Variants in PDE7B observed in about 807,000 individuals in gnomAD.
PDE7B encodes the protein phosphodiesterase 7B, also known as 3',5'-cyclic-AMP phosphodiesterase 7B.
PDE7B carries 29 observed loss-of-function variants against 56.2 expected under a neutral mutation model. The ratio of observed to expected loss-of-function variants is 0.52; its 90% CI spans 0.38 to 0.70. The LOEUF (loss-of-function observed/expected upper bound fraction) is 0.70, where lower values mean the gene tolerates loss of function less well. Among genes scored for constraint, PDE7B ranks in the 30% least tolerant of loss-of-function variants. The pLI is 0.00. For missense variants in PDE7B, 490 were observed against 565.0 expected (o/e 0.87, Z 1.35); for synonymous variants, 197 against 196.9 (o/e 1.00, Z 0.00).
intron 1 of PDE7B, among the ~76,000 whole-genome samples, chr6:135,938,921 C>T (rs1179446871): frequency 6.6e-6 from 1 of 152,120 alleles, no homozygotes; most frequent in Non-Finnish European, 1.5e-5. Flanking sequence ...AGCAGGTTTT[C>T]CAAGTTTTGG....
chr6:136,152,447 T>G (rs1778535996), intron 6 of PDE7B, among the ~76,000 whole-genome samples: 2 of 152,234 alleles, frequency 1.3e-5, no homozygotes, highest in African/African-American at 4.8e-5. Context: ...ATTATCACCA[T>G]TTGTCCCATA....
At chr6:136,072,510 C>G (rs1391171512) in intron 2 of PDE7B, 1 of 152,076 alleles carries the variant, frequency 6.6e-6, no homozygotes, top group Non-Finnish European at 1.5e-5. Flanking sequence ...TTCTATTGAT[C>G]TTAAGAAAGA....
chr6:135,967,349 A>G (rs868778608), intron 2 of PDE7B, among the ~76,000 whole-genome samples: 16 of 152,254 alleles, frequency 1.1e-4, no homozygotes, highest in African/African-American at 3.6e-4. Context: ...AGGACACAGG[A>G]AAAAAAATCA....
intron 1 of PDE7B, among the ~76,000 whole-genome samples, chr6:135,894,417 G>A (rs1377149734): frequency 6.6e-6 from 1 of 152,132 alleles, no homozygotes; most frequent in African/African-American, 2.4e-5. Flanking sequence ...AAGGAGTGGG[G>A]AAATTAGCCA....
chr6:135,869,969 T>G (rs577780510), intron 1 of PDE7B, among the ~76,000 whole-genome samples: 1 of 152,272 alleles, frequency 6.6e-6, no homozygotes, highest in Admixed American at 6.5e-5. Context: ...TGGTGGAAAT[T>G]GTACTCTTCT....
At chr6:135,980,575 G>C (rs1261060060) in intron 2 of PDE7B, among the ~76,000 whole-genome samples, 3 of 152,054 alleles carry the variant, frequency 2.0e-5, no homozygotes, top group Non-Finnish European at 4.4e-5. Flanking sequence ...CATCTACAAT[G>C]AACTCAAACA....
intron 11 of PDE7B, among the ~76,000 whole-genome samples, chr6:136,182,724 A>G (rs1779085806): frequency 6.6e-6 from 1 of 152,244 alleles, no homozygotes; most frequent in East Asian, 1.9e-4. Flanking sequence ...CCAGTAAATC[A>G]AAGTTGTCAA....
intron 3 of PDE7B, among the ~76,000 whole-genome samples, chr6:136,129,482 C>T (rs1049751587): frequency 1.4e-4 from 21 of 152,146 alleles, no homozygotes; most frequent in African/African-American, 5.1e-4. Flanking sequence ...GAGATTTCCT[C>T]CAACCACACC....
intron 3 of PDE7B, among the ~76,000 whole-genome samples, chr6:136,114,320 G>GGT (rs1777797854): frequency 6.6e-6 from 1 of 152,112 alleles, no homozygotes; most frequent in Non-Finnish European, 1.5e-5. Context: ...CTATGAAGAA[G>GGT]TGACCCAGAG....
chr6:135,889,597 G>C (rs1357333834), intron 1 of PDE7B, among the ~76,000 whole-genome samples: 280 of 128,942 alleles, frequency 2.2e-3, no homozygotes, highest in Middle Eastern at 0.021. Flanking sequence ...CCCACCACCA[G>C]GCCCAGCTAA....
At chr6:135,981,361 C>T (rs905830856) in intron 2 of PDE7B, among the ~76,000 whole-genome samples, 3 of 151,186 alleles carry the variant, frequency 2.0e-5, no homozygotes, top group African/African-American at 7.3e-5. Flanking sequence ...GTGCAGCGCA[C>T]CAGCATGGCA....
chr6:135,939,734 G>A (rs1437475044), intron 1 of PDE7B, among the ~76,000 whole-genome samples: 1 of 152,198 alleles, frequency 6.6e-6, no homozygotes, highest in Non-Finnish European at 1.5e-5. Flanking sequence ...AGCAGTAGGA[G>A]AAATCAGCCT....
chr6:136,057,793 G>T (rs942740604), intron 2 of PDE7B, among the ~76,000 whole-genome samples: 1 of 152,146 alleles, frequency 6.6e-6, no homozygotes, highest in African/African-American at 2.4e-5. Context: ...CTGGAGTGCA[G>T]TGGTGCCATC....
intron 1 of PDE7B, among the ~76,000 whole-genome samples, chr6:135,869,817 C>T (rs534762376): frequency 1.3e-5 from 2 of 152,136 alleles, no homozygotes; most frequent in Non-Finnish European, 2.9e-5. Context: ...AGAGCAAGAG[C>T]GAAGTCCTGA....
At position 136,088,769 on chromosome 6, in the gene PDE7B, C is replaced by T. The variant is rs190161847; in HGVS notation, c.83-19962C>T. ...AAAATTGACTGTGGTGATGGTTGCACGTATTCTGGGAATATAGTAAAAGCC... is the reference window on the plus strand; with the variant it reads ...AAAATTGACTGTGGTGATGGTTGCATGTATTCTGGGAATATAGTAAAAGCC... On this transcript the variant is annotated intron_variant, in intron 2 of 12. Coordinates refer to ENST00000308191, the MANE Select transcript of PDE7B (RefSeq NM_018945.4). Among the ~76,000 whole-genome samples, 23 of 151,984 alleles carry T rather than the reference C, an allele frequency of 1.5e-4. No homozygotes were observed. The East Asian group carries it at 3.5e-3, about 23-fold the overall frequency.
At chr6:136,156,206 C>T (rs1422870187) in intron 8 of PDE7B, 1 of 173,050 alleles carries the variant, frequency 5.8e-6, no homozygotes, top group Non-Finnish European at 1.1e-5. Flanking sequence ...TGTGTGTTTT[C>T]AGAAACAGGG....
At chr6:136,028,249 G>C (rs1055933557) in intron 2 of PDE7B, among the ~76,000 whole-genome samples, 1 of 152,170 alleles carries the variant, frequency 6.6e-6, no homozygotes, top group Middle Eastern at 3.2e-3. Context: ...AAGTAGTGAC[G>C]TAAGTGAAGT....
At chr6:135,889,522 C>T (rs570882938) in intron 1 of PDE7B, among the ~76,000 whole-genome samples, 2 of 145,930 alleles carry the variant, frequency 1.4e-5, no homozygotes, top group Non-Finnish European at 1.5e-5. Flanking sequence ...CTCACTGTAA[C>T]CTCCACCTCC....
chr6:135,928,483 T>TTATATATATATATTTATATATA (rs1187835633), intron 1 of PDE7B, among the ~76,000 whole-genome samples: 4 of 96,860 alleles, frequency 4.1e-5, no homozygotes, highest in African/African-American at 1.5e-4. Context: ...ATATATATAT[T>TTATATATATATATTTATATATA]TATTTATATA....
Sources: gnomAD v4.1 joint callset for allele counts (sites outside exome capture counted in the v4.1 genomes callset) on GRCh38, gnomAD v4.1.1 for gene constraint, MANE v1.5 for transcripts, NCBI Gene and HGNC (gene_info 2026-07-23, HGNC 2026-07-21) for gene names.